Variants in ACAP2 observed in about 807,000 individuals in gnomAD.
ACAP2 encodes the protein arf-GAP with coiled-coil, ANK repeat and PH domain-containing protein 2.
ACAP2 carries 39 observed loss-of-function variants against 115.8 expected under a neutral mutation model. The observed-to-expected ratio is 0.34, with a 90% CI of 0.26 to 0.44. ACAP2 has a LOEUF of 0.44. Ranked by LOEUF, ACAP2 falls within the 20% of genes least tolerant of loss-of-function variation. The pLI is 1.00. For missense variants in ACAP2, 662 were observed against 927.6 expected (o/e 0.71, Z 3.72); for synonymous variants, 289 against 315.8 (o/e 0.92, Z 0.90).
intron 1 of ACAP2, among the ~76,000 whole-genome samples, chr3:195,409,167 A>G (rs1713044730): frequency 6.6e-6 from 1 of 152,166 alleles, no homozygotes; most frequent in Admixed American, 6.5e-5. Context: ...TACAGACAAT[A>G]TGACCTTATT....
rs567809048 is a variant in ACAP2 at position 195,380,850 on chromosome 3, A to G, written c.285+159T>C. 2.6e-5 allele frequency among the ~76,000 whole-genome samples: 4 copies of G among 152,266 alleles called. No individual in the cohort carries two copies. The East Asian group carries it at 7.7e-4, about 29-fold the overall frequency. ...CATGCACACACACACTCACACACAAATACACACACAGCGTACATTTTAGAT... is the reference window on the plus strand; with the variant it reads ...CATGCACACACACACTCACACACAAGTACACACACAGCGTACATTTTAGAT... On this transcript the variant is annotated intron_variant, in intron 4 of 22. Transcript: ENST00000326793.
At chr3:195,388,883 G>A (rs1486620505) in intron 2 of ACAP2, among the ~76,000 whole-genome samples, 1 of 151,986 alleles carries the variant, frequency 6.6e-6, no homozygotes, top group African/African-American at 2.4e-5. Context: ...AATTAGCCAG[G>A]TGTGGTATCG....
intron 4 of ACAP2, among the ~76,000 whole-genome samples, chr3:195,373,395 C>G (rs561314143): frequency 6.8e-6 from 1 of 147,764 alleles, no homozygotes; most frequent in East Asian, 1.9e-4. Flanking sequence ...CATTTAGTAT[C>G]ATCAAAGAAA....
At chr3:195,394,924 T>A (rs1178394788) in intron 1 of ACAP2, among the ~76,000 whole-genome samples, 1 of 150,658 alleles carries the variant, frequency 6.6e-6, no homozygotes, top group Non-Finnish European at 1.5e-5. Context: ...TCTCTTTTTT[T>A]TTTTTTTTTT....
In ACAP2 at chr3:195,336,990, C is replaced by T. The variant is rs1336863648; in HGVS notation, c.529-14G>A. On this transcript the variant is annotated splice_polypyrimidine_tract_variant and intron_variant, in intron 6 of 22. Transcript: ENST00000326793. ...AAGAACATTAATCTGAGGGAAAACA[C>T]ACGTGGTTAATCACCCATGCATTAT... The T allele has an allele frequency of 6.2e-7, 1 of 1,608,514 alleles. No homozygotes were observed. The highest frequency in any genetic ancestry group is 1.1e-5 in the South Asian group (1 of 89,922).
At chr3:195,292,673 G>C (rs577802649) in intron 18 of ACAP2, among the ~76,000 whole-genome samples, 3 of 152,236 alleles carry the variant, frequency 2.0e-5, no homozygotes, top group South Asian at 4.1e-4. Context: ...TGCAATCCCA[G>C]CACTTTGGGA....
intron 4 of ACAP2, among the ~76,000 whole-genome samples, chr3:195,353,977 C>A (rs1455163981): frequency 6.6e-6 from 1 of 152,028 alleles, no homozygotes; most frequent in East Asian, 1.9e-4. Flanking sequence ...TTTTTCTGAT[C>A]CTCTCCCTCC....
chr3:195,354,220 T>C (rs1304693009), intron 4 of ACAP2, among the ~76,000 whole-genome samples: 1 of 152,210 alleles, frequency 6.6e-6, no homozygotes, highest in South Asian at 2.1e-4. Context: ...TATGTACGTA[T>C]GCATTTTCTT....
At chr3:195,370,117 A>G (rs1392933354) in intron 4 of ACAP2, among the ~76,000 whole-genome samples, 1 of 151,978 alleles carries the variant, frequency 6.6e-6, no homozygotes, top group Non-Finnish European at 1.5e-5. Flanking sequence ...TTGCTTGTTA[A>G]TTTGTTTAAG....
At chr3:195,373,157 T>C (rs1441297668) in intron 4 of ACAP2, among the ~76,000 whole-genome samples, 1 of 152,020 alleles carries the variant, frequency 6.6e-6, no homozygotes, top group African/African-American at 2.4e-5. Flanking sequence ...TGGAGCCAGG[T>C]GCAGTGGCTC....
intron 4 of ACAP2, 105 bp downstream of exon 4, chr3:195,380,904 C>T: frequency 9.8e-7 from 1 of 1,022,058 alleles, no homozygotes; most frequent in Admixed American, 2.9e-5. Flanking sequence ...GACGACCAAT[C>T]AAAGCCATGT....
intron 1 of ACAP2, among the ~76,000 whole-genome samples, chr3:195,440,715 T>A (rs186014368): frequency 7.2e-5 from 11 of 152,318 alleles, no homozygotes; most frequent in African/African-American, 2.2e-4. Context: ...TCTTTTCAAA[T>A]GCTATACAGA....
At chr3:195,295,115 T>C (rs1727554842) in intron 17 of ACAP2, 2 of 713,038 alleles carry the variant, frequency 2.8e-6, no homozygotes, top group Admixed American at 3.0e-5. Context: ...TCTGAGACAA[T>C]GGGTAACATC....
At chr3:195,333,925 C>G (rs1730335254) in intron 7 of ACAP2, among the ~76,000 whole-genome samples, 1 of 152,132 alleles carries the variant, frequency 6.6e-6, no homozygotes, top group Non-Finnish European at 1.5e-5. Context: ...AATGAGTCAA[C>G]CGAATTTGCC....
chr3:195,337,714 T>C (rs748970646), intron 6 of ACAP2, among the ~76,000 whole-genome samples: 47 of 152,196 alleles, frequency 3.1e-4, no homozygotes, highest in South Asian at 4.1e-4. Flanking sequence ...CCCAAAGTGC[T>C]GGAACTACAG....
intron 2 of ACAP2, among the ~76,000 whole-genome samples, chr3:195,386,009 T>G (rs993676793): frequency 6.6e-6 from 1 of 152,210 alleles, no homozygotes; most frequent in Non-Finnish European, 1.5e-5. Context: ...CATCAACTGA[T>G]GAATGGATAA....
At chr3:195,304,264 G>A (rs923240038) in intron 13 of ACAP2, among the ~76,000 whole-genome samples, 1 of 150,420 alleles carries the variant, frequency 6.6e-6, no homozygotes, top group Non-Finnish European at 1.5e-5. Context: ...GAATATGTTC[G>A]ATAATGGGAA....
chr3:195,311,868 CTTCA>C (rs1228832237), intron 10 of ACAP2, among the ~76,000 whole-genome samples: 1 of 151,914 alleles, frequency 6.6e-6, no homozygotes, highest in Non-Finnish European at 1.5e-5. Flanking sequence ...AAATTTCTTG[CTTCA>C]TTAAGAAAAA....
chr3:195,392,751 A>G (rs77155016), intron 1 of ACAP2, among the ~76,000 whole-genome samples: 3,821 of 152,324 alleles, frequency 0.025, 118 homozygotes, highest in East Asian at 0.097. Flanking sequence ...TACAATTATA[A>G]TAACAGTTAG....
Sources: allele counts gnomAD v4.1 joint callset (sites outside exome capture counted in the v4.1 genomes callset), GRCh38; gene constraint gnomAD v4.1.1; transcripts MANE v1.5; gene names NCBI Gene and HGNC (gene_info 2026-07-23, HGNC 2026-07-21).